The following MGMT variants were observed in gnomAD, a reference collection of about 807,000 sequenced individuals.
MGMT encodes methylated-DNA--protein-cysteine methyltransferase.
In MGMT, 14 loss-of-function variants were observed where a neutral mutation model predicts 15.9. The ratio of observed to expected loss-of-function variants is 0.88; its 90% CI spans 0.58 to 1.37. The LOEUF is 1.37. MGMT is among the 40% of genes most tolerant of loss of function. MGMT has a pLI of 0.00. For missense variants in MGMT, 282 were observed against 268.1 expected (o/e 1.05, Z -0.36); for synonymous variants, 130 against 118.2 (o/e 1.10, Z -0.65).
In MGMT at chr10:129,718,294, G is replaced by A. The variant is rs374527598; in HGVS notation, c.274+10251G>A. Among the ~76,000 whole-genome samples, 19 of 152,290 alleles carry A rather than the reference G, an allele frequency of 1.2e-4. No homozygotes were observed. The South Asian group carries it at 2.7e-3, about 22-fold the overall frequency. On this transcript the variant is annotated intron_variant, in intron 3 of 4. Transcript: ENST00000651593. ...CAGTCTGTGAAGGCAGTGGCGCTTC[G>A]GGCTAGGTGTCTCCTTGTGTCGGAG...
intron 2 of MGMT, among the ~76,000 whole-genome samples, chr10:129,623,980 C>A (rs926152472): frequency 1.3e-5 from 2 of 152,254 alleles, no homozygotes; most frequent in African/African-American, 4.8e-5. Context: ...GAGACACCCT[C>A]TCCCTGCTAG....
chr10:129,764,190 C>G (rs1041868575), intron 4 of MGMT, among the ~76,000 whole-genome samples: 1 of 152,216 alleles, frequency 6.6e-6, no homozygotes, highest in Non-Finnish European at 1.5e-5. Context: ...AACTTGGGCA[C>G]GAGACTCCAT....
chr10:129,700,678 A>G (rs1381527273), intron 2 of MGMT: 1 of 152,196 alleles, frequency 6.6e-6, no homozygotes, highest in Admixed American at 6.5e-5. Context: ...ACAGAGTCAA[A>G]AGGTTTTATT....
chr10:129,583,640 G>A (rs1024301987), intron 2 of MGMT, among the ~76,000 whole-genome samples: 3 of 152,118 alleles, frequency 2.0e-5, no homozygotes, highest in African/African-American at 7.2e-5. Context: ...CATCCCCCTT[G>A]CCTGCAGGGC....
At chr10:129,670,304 T>A (rs1245430901) in intron 2 of MGMT, among the ~76,000 whole-genome samples, 2 of 152,188 alleles carry the variant, frequency 1.3e-5, no homozygotes, top group Non-Finnish European at 2.9e-5. Context: ...CCACCACTTA[T>A]AACACATCTT....
chr10:129,601,352 G>T (rs3852507), intron 2 of MGMT, among the ~76,000 whole-genome samples: 79,764 of 151,914 alleles, frequency 0.53, 21,359 homozygotes, highest in African/African-American at 0.62. Context: ...AACTGGGTGG[G>T]GTTTCTTTAT....
At chr10:129,723,352 G>T (rs1027388632) in intron 3 of MGMT, among the ~76,000 whole-genome samples, 1 of 152,028 alleles carries the variant, frequency 6.6e-6, no homozygotes, top group African/African-American at 2.4e-5. Context: ...AGCTCCCGTG[G>T]ATAACCATTT....
At chr10:129,757,460 AACGGAAAGC>A (rs1375106855) in intron 3 of MGMT, among the ~76,000 whole-genome samples, 1 of 152,196 alleles carries the variant, frequency 6.6e-6, no homozygotes, top group African/African-American at 2.4e-5. Context: ...CAGAACACCT[AACGGAAAGC>A]ACAGAAAACA....
At chr10:129,558,969 CTT>C (rs1846246791) in intron 2 of MGMT, among the ~76,000 whole-genome samples, 1 of 152,204 alleles carries the variant, frequency 6.6e-6, no homozygotes, top group Middle Eastern at 3.2e-3. Flanking sequence ...CCATAATCAG[CTT>C]TGGCATATGG....
intron 1 of MGMT, among the ~76,000 whole-genome samples, chr10:129,502,140 C>A (rs926048220): frequency 6.6e-6 from 1 of 152,208 alleles, no homozygotes; most frequent in Non-Finnish European, 1.5e-5. Context: ...ACTAGTACAG[C>A]GTGGAGTGTG....
chr10:129,572,191 T>C (rs928738864), intron 2 of MGMT, among the ~76,000 whole-genome samples: 2 of 152,206 alleles, frequency 1.3e-5, no homozygotes, highest in Non-Finnish European at 2.9e-5. Flanking sequence ...GTTGAATTTT[T>C]AGTTGGGATT....
At chr10:129,499,884 A>T (rs906965215) in intron 1 of MGMT, among the ~76,000 whole-genome samples, 13 of 152,230 alleles carry the variant, frequency 8.5e-5, no homozygotes, top group African/African-American at 2.7e-4. Flanking sequence ...ATACATCCTT[A>T]TGTCAGTTTT....
intron 2 of MGMT, among the ~76,000 whole-genome samples, chr10:129,620,442 C>T (rs1046330354): frequency 4.6e-5 from 7 of 152,180 alleles, no homozygotes; most frequent in African/African-American, 1.7e-4. Context: ...GTCTGCAACT[C>T]GAATTATGGA....
At chr10:129,753,601 T>G (rs542166011) in intron 3 of MGMT, among the ~76,000 whole-genome samples, 1 of 152,336 alleles carries the variant, frequency 6.6e-6, no homozygotes, top group South Asian at 2.1e-4. Context: ...ATTGATCCTA[T>G]GCAGTACAGT....
rs1284748601 is a variant in MGMT at position 129,613,187 on chromosome 10, AG to A, written c.125+76811del. 2.0e-5 allele frequency among the ~76,000 whole-genome samples: 3 copies of A among 152,360 alleles called. No homozygotes were observed. The East Asian group carries it at 5.8e-4, about 29-fold the overall frequency. On this transcript the variant is annotated intron_variant, in intron 2 of 4. Transcript: ENST00000651593. Reference sequence around the variant, plus strand: ...TTCAAGTACAAGTAGAATCTTCTTTAGTATCTTGGATCCACCAGGGAAGAGA... The same window carrying A: ...TTCAAGTACAAGTAGAATCTTCTTTATATCTTGGATCCACCAGGGAAGAGA...
Position 129,566,062 on chromosome 10 carries a change from T to A in MGMT, c.125+29685T>A, listed in dbSNP as rs1215685344. Among the ~76,000 whole-genome samples, 1 of 152,196 alleles carries A rather than the reference T, an allele frequency of 6.6e-6. No homozygotes were observed. The highest frequency in any genetic ancestry group is 1.5e-5 in the Non-Finnish European group (1 of 68,034). The stretch of plus-strand genomic sequence containing the variant: ...CTTGCAGCTCTGTTCCTTCTTCAGC[T>A]CCTCTGGTCATTCACACGTGGCCTG... On this transcript the variant is annotated intron_variant, in intron 2 of 4. Transcript: ENST00000651593. The surrounding 1 kb of genome is among the most constrained non-coding windows in gnomAD (Gnocchi z 4.1).
At chr10:129,469,175 C>T (rs1370465766) in intron 1 of MGMT, among the ~76,000 whole-genome samples, 2 of 152,144 alleles carry the variant, frequency 1.3e-5, no homozygotes, top group Non-Finnish European at 2.9e-5. Flanking sequence ...AAAGAACTTG[C>T]CTTCCCCATT....
chr10:129,714,779 C>T (rs1266198202), intron 3 of MGMT, among the ~76,000 whole-genome samples: 1 of 152,068 alleles, frequency 6.6e-6, no homozygotes, highest in African/African-American at 2.4e-5. Flanking sequence ...GAATGTTTTG[C>T]CGTTGAGGAA....
At chr10:129,665,048 A>G (rs1313075723) in intron 2 of MGMT, among the ~76,000 whole-genome samples, 1 of 152,144 alleles carries the variant, frequency 6.6e-6, no homozygotes, top group Non-Finnish European at 1.5e-5. Context: ...AGAGTTGAAC[A>G]TACACTTACC....
Sources: gnomAD v4.1 joint callset for allele counts (sites outside exome capture counted in the v4.1 genomes callset) on GRCh38, gnomAD v4.1.1 for gene constraint, Gnocchi (gnomAD v3.1) non-coding constraint, MANE v1.5 for transcripts, NCBI Gene and HGNC (gene_info 2026-07-23, HGNC 2026-07-21) for gene names.